TRPM3: variants seen among roughly 807,000 people sequenced by gnomAD.
The protein encoded by TRPM3 is long transient receptor potential channel 3.
Under a neutral mutation model 181.2 loss-of-function variants are expected in TRPM3, and 77 were observed. That is an observed-to-expected ratio of 0.42 (90% CI 0.35 to 0.51). The LOEUF (loss-of-function observed/expected upper bound fraction) is 0.51, where lower values mean the gene tolerates loss of function less well. TRPM3 is among the 20% of genes least tolerant of loss of function. The probability of loss-of-function intolerance (pLI) is 0.01; values close to 1 mark genes in which losing one functional copy is unlikely to be tolerated. For missense variants in TRPM3, 1,759 were observed against 2,196.7 expected (o/e 0.80, Z 3.98); for synonymous variants, 745 against 796.4 (o/e 0.94, Z 1.09).
At chr9:71,002,689 T>A (rs1389868376) in intron 1 of TRPM3, among the ~76,000 whole-genome samples, 1 of 152,198 alleles carries the variant, frequency 6.6e-6, no homozygotes, top group Non-Finnish European at 1.5e-5. Flanking sequence ...GAAATCGAAA[T>A]CCAAATTCTA....
At chr9:70,632,431 T>C (rs17055447) in intron 12 of TRPM3, among the ~76,000 whole-genome samples, 24,653 of 152,204 alleles carry the variant, frequency 0.16, 2,645 homozygotes, top group East Asian at 0.4. Flanking sequence ...ATTGTTCATC[T>C]TTCTTGCTCT....
intron 6 of TRPM3, among the ~76,000 whole-genome samples, chr9:70,801,681 T>C (rs1050975101): frequency 2.9e-5 from 4 of 138,568 alleles, no homozygotes; most frequent in African/African-American, 1.1e-4. Context: ...CTCGAGTATT[T>C]AACCTCATAT....
intron 6 of TRPM3, among the ~76,000 whole-genome samples, chr9:70,802,851 A>G (rs1302289289): frequency 6.6e-6 from 1 of 152,126 alleles, no homozygotes; most frequent in Non-Finnish European, 1.5e-5. Flanking sequence ...GCCTAAAAGT[A>G]AAGAATATAT....
At chr9:70,945,086 T>C (rs550670729) in intron 1 of TRPM3, among the ~76,000 whole-genome samples, 16 of 152,276 alleles carry the variant, frequency 1.1e-4, no homozygotes, top group Middle Eastern at 6.8e-3. Flanking sequence ...AGCCTGGGCA[T>C]AGGTAGGTTT....
rs572827874 is a variant in TRPM3 at position 70,804,994 on chromosome 9, G to C, written c.974-20715C>G. Among the ~76,000 whole-genome samples, 12 of 152,260 alleles carry C rather than the reference G, an allele frequency of 7.9e-5. No homozygotes were observed. The South Asian group carries it at 8.3e-4, about 11-fold the overall frequency. The stretch of plus-strand genomic sequence containing the variant: ...TGGCCAGTGATGCCAGCTGCAGCCA[G>C]GGTCCCACTGGTTTTACTTTAGCAT... On this transcript the variant is annotated intron_variant, in intron 6 of 25. Coordinates refer to ENST00000677713, the MANE Select transcript of TRPM3 (RefSeq NM_001366145.2).
At chr9:71,443,132 G>A (rs1027510395) in intron 1 of TRPM3, among the ~76,000 whole-genome samples, 4 of 151,922 alleles carry the variant, frequency 2.6e-5, no homozygotes, top group African/African-American at 7.3e-5. Context: ...GACCTATGAC[G>A]CAATCTCAGA....
intron 22 of TRPM3, among the ~76,000 whole-genome samples, chr9:70,569,478 G>A (rs1219549146): frequency 2.6e-5 from 4 of 152,188 alleles, no homozygotes; most frequent in Admixed American, 2.0e-4. Flanking sequence ...ACGTGACTAG[G>A]TGATTGAAGG....
At chr9:71,252,280 C>T (rs1291900560) in intron 1 of TRPM3, among the ~76,000 whole-genome samples, 1 of 152,034 alleles carries the variant, frequency 6.6e-6, no homozygotes, top group Non-Finnish European at 1.5e-5. Flanking sequence ...AAATCTGCTG[C>T]TCAGCCCTTC....
intron 9 of TRPM3, among the ~76,000 whole-genome samples, chr9:70,671,238 C>T (rs954609806): frequency 2.6e-5 from 4 of 152,150 alleles, no homozygotes; most frequent in Admixed American, 2.6e-4. Flanking sequence ...GACTGTGGCT[C>T]AATGAGGTCA....
chr9:70,592,699 G>C (rs10868857), intron 21 of TRPM3, among the ~76,000 whole-genome samples: 93,970 of 151,994 alleles, frequency 0.62, 29,263 homozygotes, highest in African/African-American at 0.69. Flanking sequence ...GATAATGGAG[G>C]CTTCAAATTA....
chr9:70,753,244 C>G (rs545551438), intron 8 of TRPM3, among the ~76,000 whole-genome samples: 29 of 147,294 alleles, frequency 2.0e-4, no homozygotes, highest in African/African-American at 7.5e-4. Flanking sequence ...TATCAAAGTA[C>G]ATCAAAAAAA....
chr9:71,334,433 A>G (rs903750745), intron 1 of TRPM3, among the ~76,000 whole-genome samples: 6 of 151,846 alleles, frequency 4.0e-5, no homozygotes, highest in African/African-American at 9.7e-5. Flanking sequence ...ACTCCTGGAT[A>G]TAAGTCATAC....
chr9:70,680,090 T>A (rs567364798), intron 9 of TRPM3, among the ~76,000 whole-genome samples: 1 of 152,178 alleles, frequency 6.6e-6, no homozygotes, highest in South Asian at 2.1e-4. Flanking sequence ...AATGTGCATA[T>A]ATACACTTGG....
intron 1 of TRPM3, among the ~76,000 whole-genome samples, chr9:71,396,033 G>A (rs138159080): frequency 2.8e-4 from 43 of 152,048 alleles, no homozygotes; most frequent in Admixed American, 1.8e-3. Context: ...AAAAATGAGA[G>A]AACGGCTTTG....
chr9:70,858,378 G>T (rs2095439560), intron 3 of TRPM3, among the ~76,000 whole-genome samples: 1 of 152,124 alleles, frequency 6.6e-6, no homozygotes, highest in Non-Finnish European at 1.5e-5. Flanking sequence ...CTGTGTGCCA[G>T]TTTGTTTGAG....
At chr9:70,814,963 A>G (rs1230360966) in intron 6 of TRPM3, among the ~76,000 whole-genome samples, 2 of 151,776 alleles carry the variant, frequency 1.3e-5, no homozygotes, top group Non-Finnish European at 2.9e-5. Flanking sequence ...TCATTGTAAA[A>G]AACAACATCA....
Position 71,199,275 on chromosome 9 carries a change from C to T in TRPM3, c.183+247378G>A, listed in dbSNP as rs955476101. 7.0e-3 allele frequency among the ~76,000 whole-genome samples: 1,065 copies of T among 151,972 alleles called. 9 individuals carry two copies. The highest frequency in any genetic ancestry group is 0.024 in the African/African-American group (1,015 of 41,478). ...TGATGTGCTGCTGGATTCAGTTTGCCAGTATTTTATTGAGGATTTTTGCAT... is the reference window on the plus strand; with the variant it reads ...TGATGTGCTGCTGGATTCAGTTTGCTAGTATTTTATTGAGGATTTTTGCAT... On this transcript the variant is annotated intron_variant, in intron 1 of 24. Transcript: ENST00000357533.
intron 1 of TRPM3, among the ~76,000 whole-genome samples, chr9:71,197,316 T>C (rs1412839469): frequency 6.6e-6 from 1 of 152,182 alleles, no homozygotes; most frequent in Non-Finnish European, 1.5e-5. Context: ...TTGTGAATAG[T>C]GCCGCAATAA....
Position 71,388,901 on chromosome 9 carries a change from G to C in TRPM3, c.183+57752C>G, listed in dbSNP as rs569325953. ...CTGGGAACTTAAACTAATGTGAACA[G>C]GTTTGGCCACTTGCAAAGTATCAGA... On this transcript the variant is annotated intron_variant, in intron 1 of 24. Coordinates refer to the TRPM3 transcript ENST00000357533. 3.0e-4 allele frequency among the ~76,000 whole-genome samples: 46 copies of C among 152,170 alleles called. No homozygotes were observed. The Middle Eastern group carries it at 0.02, about 68-fold the overall frequency.
Sources: allele counts gnomAD v4.1 joint callset (sites outside exome capture counted in the v4.1 genomes callset), GRCh38; gene constraint gnomAD v4.1.1; transcripts MANE v1.5; gene names NCBI Gene and HGNC (gene_info 2026-07-23, HGNC 2026-07-21).